The following TMCC1 variants were observed in gnomAD, a reference collection of about 807,000 sequenced individuals.
The protein encoded by TMCC1 is transmembrane and coiled-coil domains protein 1.
A neutral mutation model predicts 52.4 loss-of-function variants in TMCC1; 15 were observed. The ratio of observed to expected loss-of-function variants is 0.29; its 90% CI spans 0.19 to 0.44. The LOEUF is 0.44. TMCC1 is among the 20% of genes least tolerant of loss of function. The pLI, the probability that TMCC1 is intolerant of heterozygous loss-of-function variation, is 1.00. For missense variants in TMCC1, 503 were observed against 806.0 expected (o/e 0.62, Z 4.55); for synonymous variants, 279 against 301.9 (o/e 0.92, Z 0.79).
rs114952373 is a variant in TMCC1 at position 129,800,784 on chromosome 3, C to T, written c.576+27019G>A. On this transcript the variant is annotated intron_variant, in intron 4 of 6. Coordinates refer to ENST00000393238, the MANE Select transcript of TMCC1 (RefSeq NM_001017395.5). Reference sequence around the variant, plus strand: ...AAATATACAACCATTCATTCCATTACTATTTATTATGTGCCTACTAAACAT... The same window carrying T: ...AAATATACAACCATTCATTCCATTATTATTTATTATGTGCCTACTAAACAT... Among the ~76,000 whole-genome samples the T allele has an allele frequency of 9.0e-3, 1,370 of 152,226 alleles. 21 individuals carry two copies. The highest frequency in any genetic ancestry group is 0.031 in the African/African-American group (1,306 of 41,532).
intron 2 of TMCC1, among the ~76,000 whole-genome samples, chr3:129,866,596 C>T (rs945979823): frequency 4.0e-5 from 6 of 151,738 alleles, no homozygotes; most frequent in Admixed American, 6.6e-5. Context: ...AGGCTGGTCT[C>T]GAACTCCCAA....
rs531552846 is a variant in TMCC1 at position 129,778,675 on chromosome 3, G to GGC, written c.576+49127_576+49128insGC. On this transcript the variant is annotated intron_variant, in intron 4 of 6. Transcript: ENST00000393238. ...TCATGGAAGGTGATTAGATCATGGTGGGGGGGGGGCAGTCTCCCCATGCTG... is the reference window on the plus strand; with the variant it reads ...TCATGGAAGGTGATTAGATCATGGTGGCGGGGGGGGGCAGTCTCCCCATGCTG... 3.0e-3 allele frequency among the ~76,000 whole-genome samples: 4 copies of GGC among 1,342 alleles called. No individual in the cohort carries two copies. In the Non-Finnish European group the frequency reaches 0.052, roughly 17 times the overall value. 0.9% of individuals were successfully genotyped at this position (1,342 alleles called of 152,430 possible).
chr3:129,750,481 C>T (rs566321176), intron 4 of TMCC1, among the ~76,000 whole-genome samples: 3 of 151,678 alleles, frequency 2.0e-5, no homozygotes, highest in East Asian at 3.9e-4. Context: ...CATGAGCCAC[C>T]GTGCTCAGCC....
At chr3:129,865,984 T>C (rs938275861) in intron 2 of TMCC1, among the ~76,000 whole-genome samples, 3 of 152,120 alleles carry the variant, frequency 2.0e-5, no homozygotes, top group African/African-American at 7.2e-5. Context: ...GTCATCTACA[T>C]GAAGCTTGTA....
intron 4 of TMCC1, among the ~76,000 whole-genome samples, chr3:129,717,842 T>C (rs2049225415): frequency 6.6e-6 from 1 of 152,214 alleles, no homozygotes; most frequent in South Asian, 2.1e-4. Context: ...ACATATCTGT[T>C]CTTAATACTA....
At chr3:129,798,247 A>G (rs1002025422) in intron 4 of TMCC1, among the ~76,000 whole-genome samples, 1 of 152,080 alleles carries the variant, frequency 6.6e-6, no homozygotes, top group Admixed American at 6.5e-5. Context: ...CCGCCCGCTC[A>G]GCCTCCCAAA....
chr3:129,659,581 G>C (rs962223252), intron 5 of TMCC1, among the ~76,000 whole-genome samples: 1 of 152,102 alleles, frequency 6.6e-6, no homozygotes, highest in East Asian at 1.9e-4. Flanking sequence ...GAATATATAT[G>C]AATCAGAGAA....
chr3:129,774,114 C>G (rs758821472), intron 4 of TMCC1, among the ~76,000 whole-genome samples: 1 of 152,072 alleles, frequency 6.6e-6, no homozygotes, highest in East Asian at 1.9e-4. Context: ...ACCAGGGCTC[C>G]TTGGAGAAAT....
chr3:129,878,509 C>T (rs1344815118), intron 2 of TMCC1, among the ~76,000 whole-genome samples: 1 of 152,206 alleles, frequency 6.6e-6, no homozygotes, highest in Non-Finnish European at 1.5e-5. Flanking sequence ...CATGTTACCA[C>T]AGTCACTGCT....
rs75428801 is a variant in TMCC1, at chr3:129,717,711, G to A, written c.577-46447C>T. On this transcript the variant is annotated intron_variant, in intron 4 of 6. Coordinates refer to ENST00000393238, the MANE Select transcript of TMCC1 (RefSeq NM_001017395.5). The stretch of plus-strand genomic sequence containing the variant: ...CCTGCCAGAAAATTCTGTTAGCATC[G>A]CCTTCAAAATACATCTAAAATCCAA... 5.1e-3 allele frequency among the ~76,000 whole-genome samples: 778 copies of A among 152,150 alleles called. 8 individuals are homozygous for A. The highest frequency in any genetic ancestry group is 0.014 in the African/African-American group (596 of 41,508).
intron 5 of TMCC1, among the ~76,000 whole-genome samples, chr3:129,657,857 A>G (rs1019696170): frequency 6.6e-6 from 1 of 152,250 alleles, no homozygotes; most frequent in South Asian, 2.1e-4. Flanking sequence ...CACCTCCTCA[A>G]AAAGTTAACA....
At chr3:129,750,797 G>A (rs1396009533) in intron 4 of TMCC1, among the ~76,000 whole-genome samples, 1 of 149,178 alleles carries the variant, frequency 6.7e-6, no homozygotes, top group Non-Finnish European at 1.5e-5. Context: ...GGCTGGTCTC[G>A]ATCTCCTGAC....
At chr3:129,843,064 A>C (rs1268118138) in intron 2 of TMCC1, among the ~76,000 whole-genome samples, 3 of 152,144 alleles carry the variant, frequency 2.0e-5, no homozygotes, top group Non-Finnish European at 4.4e-5. Context: ...AAACAGAAGG[A>C]GGCCAGGTGT....
intron 4 of TMCC1, among the ~76,000 whole-genome samples, chr3:129,745,860 A>G (rs2051902001): frequency 6.6e-6 from 1 of 151,812 alleles, no homozygotes; most frequent in Non-Finnish European, 1.5e-5. Flanking sequence ...GCTACTCGGG[A>G]GCCGAGATTG....
At chr3:129,663,982 C>T (rs2087249238) in intron 5 of TMCC1, among the ~76,000 whole-genome samples, 1 of 152,154 alleles carries the variant, frequency 6.6e-6, no homozygotes, top group South Asian at 2.1e-4. Context: ...TCAGAGCTGG[C>T]AAGCAAATTC....
chr3:129,703,119 C>A (rs191644281), intron 4 of TMCC1, among the ~76,000 whole-genome samples: 8 of 152,324 alleles, frequency 5.3e-5, no homozygotes, highest in Admixed American at 5.2e-4. Flanking sequence ...AACCCACATA[C>A]AAAAACCCAC....
chr3:129,867,059 C>G (rs540097216), intron 2 of TMCC1: 2 of 151,940 alleles, frequency 1.3e-5, no homozygotes, highest in Admixed American at 1.3e-4. Flanking sequence ...TCCAACTGTC[C>G]TCACCTACAC....
chr3:129,770,486 G>A (rs2054474762), intron 4 of TMCC1, among the ~76,000 whole-genome samples: 1 of 152,120 alleles, frequency 6.6e-6, no homozygotes, highest in Non-Finnish European at 1.5e-5. Flanking sequence ...TCTGAGACAG[G>A]AGGATTGCTT....
chr3:129,842,385 C>A (rs1183282996), intron 2 of TMCC1, among the ~76,000 whole-genome samples: 1 of 151,982 alleles, frequency 6.6e-6, no homozygotes, highest in African/African-American at 2.4e-5. Context: ...GGAATCACTG[C>A]AACTTGGGAG....
Sources: allele counts gnomAD v4.1 joint callset (sites outside exome capture counted in the v4.1 genomes callset), GRCh38; gene constraint gnomAD v4.1.1; transcripts MANE v1.5; gene names NCBI Gene and HGNC (gene_info 2026-07-23, HGNC 2026-07-21).